B3GALT1: variants seen among roughly 807,000 people sequenced by gnomAD.
B3GALT1 encodes beta-1,3-galactosyltransferase 1.
B3GALT1 carries 10 observed loss-of-function variants against 23.2 expected under a neutral mutation model. That is an observed-to-expected ratio of 0.43 (90% CI 0.27 to 0.73). B3GALT1 has a LOEUF of 0.73. Ranked by LOEUF, B3GALT1 falls within the 30% of genes least tolerant of loss-of-function variation. The pLI is 0.21. For missense variants in B3GALT1, 299 were observed against 405.4 expected, an observed-to-expected ratio of 0.74 and a Z score of 2.25; for synonymous variants, 156 against 141.5, an observed-to-expected ratio of 1.10 and a Z score of -0.73.
At chr2:167,378,961 T>G (rs1399827168) in intron 1 of B3GALT1, among the ~76,000 whole-genome samples, 2 of 152,222 alleles carry the variant, frequency 1.3e-5, no homozygotes, top group Non-Finnish European at 2.9e-5. Flanking sequence ...CTAATTATTC[T>G]TATTATTTTC....
At chr2:167,574,794 G>T (rs537347911) in intron 2 of B3GALT1, among the ~76,000 whole-genome samples, 1 of 151,718 alleles carries the variant, frequency 6.6e-6, no homozygotes, top group African/African-American at 2.4e-5. Flanking sequence ...GAACAGAAAT[G>T]TTCTCTCTTT....
chr2:167,861,976 G>A (rs1432666397), intron 4 of B3GALT1, among the ~76,000 whole-genome samples: 1 of 152,196 alleles, frequency 6.6e-6, no homozygotes, highest in Non-Finnish European at 1.5e-5. Context: ...ACCAGAGGAT[G>A]GAAGCAAGCT....
intron 2 of B3GALT1, among the ~76,000 whole-genome samples, chr2:167,607,641 CA>C (rs1684989122): frequency 6.6e-6 from 1 of 152,172 alleles, no homozygotes; most frequent in Non-Finnish European, 1.5e-5. Context: ...TGAGTTTTGG[CA>C]CTACCAGGGT....
At position 167,362,005 on chromosome 2, in the gene B3GALT1, C is replaced by T. The variant is rs376319999; in HGVS notation, c.-511+68671C>T. Among the ~76,000 whole-genome samples, 50 of 152,144 alleles carry T rather than the reference C, an allele frequency of 3.3e-4. 1 individual carries two copies. The South Asian group carries it at 9.1e-3, about 28-fold the overall frequency. On this transcript the variant is annotated intron_variant, in intron 1 of 4. Coordinates refer to ENST00000392690, the MANE Select transcript of B3GALT1 (RefSeq NM_020981.4). ...AGGAGAATCGATTGAACCCGGGAGG[C>T]GGAGCTTGCAGTGAGCCGTGATCAC...
intron 2 of B3GALT1, among the ~76,000 whole-genome samples, chr2:167,563,351 G>C (rs985316321): frequency 7.0e-6 from 1 of 143,250 alleles, no homozygotes; most frequent in Non-Finnish European, 1.5e-5. Context: ...CTGGCCGGGC[G>C]GGGGGCTGAC....
chr2:167,409,259 T>C (rs775434790), intron 1 of B3GALT1, among the ~76,000 whole-genome samples: 11 of 152,192 alleles, frequency 7.2e-5, no homozygotes, highest in Non-Finnish European at 1.0e-4. Context: ...ACTATCTTAC[T>C]GGTGTTCTCT....
intron 1 of B3GALT1, among the ~76,000 whole-genome samples, chr2:167,447,755 T>C (rs994397164): frequency 3.3e-5 from 5 of 152,162 alleles, no homozygotes; most frequent in African/African-American, 1.2e-4. Flanking sequence ...CCAGGTGCCG[T>C]CTGTCACAGC....
intron 3 of B3GALT1, among the ~76,000 whole-genome samples, chr2:167,752,577 C>G (rs1018339675): frequency 4.8e-5 from 7 of 145,074 alleles, no homozygotes; most frequent in Non-Finnish European, 9.1e-5. Context: ...CATCCTCCCC[C>G]CCGCCCCTCT....
At chr2:167,864,363 T>C (rs1690168005) in intron 4 of B3GALT1, among the ~76,000 whole-genome samples, 1 of 152,134 alleles carries the variant, frequency 6.6e-6, no homozygotes, top group Admixed American at 6.5e-5. Context: ...GAGACCAGCC[T>C]GGCCAACACA....
At chr2:167,615,448 G>A (rs1685143570) in intron 2 of B3GALT1, among the ~76,000 whole-genome samples, 1 of 151,882 alleles carries the variant, frequency 6.6e-6, no homozygotes, top group Non-Finnish European at 1.5e-5. Flanking sequence ...TTTCAGTTAG[G>A]ACAAGTAAGT....
At chr2:167,455,806 C>T in intron 1 of B3GALT1, among the ~76,000 whole-genome samples, 1 of 152,184 alleles carries the variant, frequency 6.6e-6, no homozygotes, top group Non-Finnish European at 1.5e-5. Flanking sequence ...GGCCCTCACA[C>T]CTGGCTGGAT....
intron 2 of B3GALT1, among the ~76,000 whole-genome samples, chr2:167,641,692 G>T (rs185923960): frequency 6.6e-6 from 1 of 152,128 alleles, no homozygotes; most frequent in East Asian, 1.9e-4. Context: ...CAGTCTCCTG[G>T]TTCCCCTGTA....
At chr2:167,656,797 A>C (rs901209016) in intron 3 of B3GALT1, among the ~76,000 whole-genome samples, 9 of 152,158 alleles carry the variant, frequency 5.9e-5, no homozygotes, top group Non-Finnish European at 1.0e-4. Flanking sequence ...CGATTTTGGC[A>C]CTTTCCTAAT....
intron 2 of B3GALT1, among the ~76,000 whole-genome samples, chr2:167,642,483 A>G (rs1685670080): frequency 6.6e-6 from 1 of 152,222 alleles, no homozygotes; most frequent in Non-Finnish European, 1.5e-5. Context: ...TATCAGAAGA[A>G]AAATCATCTC....
intron 3 of B3GALT1, chr2:167,715,518 G>A (rs1277484068): frequency 1.4e-5 from 22 of 1,612,800 alleles, no homozygotes; most frequent in South Asian, 4.4e-5. Context: ...TGTGATTTGA[G>A]GGATTTTGAC....
chr2:167,669,367 T>G (rs544376717), intron 3 of B3GALT1, among the ~76,000 whole-genome samples: 1 of 152,232 alleles, frequency 6.6e-6, no homozygotes, highest in African/African-American at 2.4e-5. Context: ...AGTTTCAAGA[T>G]ATCTTGAGGA....
chr2:167,412,262 A>G (rs1349270830), intron 1 of B3GALT1, among the ~76,000 whole-genome samples: 1 of 152,224 alleles, frequency 6.6e-6, no homozygotes, highest in Non-Finnish European at 1.5e-5. Context: ...AAATCGAGTT[A>G]TATCATAATA....
In B3GALT1 at chr2:167,406,909, C is replaced by T. The variant is rs548506318; in HGVS notation, c.-510-83268C>T. Among the ~76,000 whole-genome samples, 10 of 152,270 alleles carry T rather than the reference C, an allele frequency of 6.6e-5. No individual in the cohort carries two copies. In the East Asian group the frequency reaches 1.9e-3, roughly 29 times the overall value. On this transcript the variant is annotated intron_variant, in intron 1 of 4. Coordinates refer to ENST00000392690, the MANE Select transcript of B3GALT1 (RefSeq NM_020981.4). ...ACAGTACTTCAGTAATTTACTAGTG[C>T]TGAGGTGAAACTGGGCTTATAGTGC...
At chr2:167,343,689 ATTTC>A (rs1370192933) in intron 1 of B3GALT1, among the ~76,000 whole-genome samples, 3 of 152,044 alleles carry the variant, frequency 2.0e-5, no homozygotes, top group Non-Finnish European at 2.9e-5. Context: ...CCCAACTTTA[ATTTC>A]TTTATGTTTT....
Sources: allele counts gnomAD v4.1 joint callset (sites outside exome capture counted in the v4.1 genomes callset), GRCh38; gene constraint gnomAD v4.1.1; transcripts MANE v1.5; gene names NCBI Gene and HGNC (gene_info 2026-07-23, HGNC 2026-07-21).